RORA: variants seen among roughly 807,000 people sequenced by gnomAD.
The protein encoded by RORA is nuclear receptor ROR-alpha.
In RORA, 7 loss-of-function variants were observed where a neutral mutation model predicts 69.5. That is an observed-to-expected ratio of 0.10 (90% CI 0.06 to 0.19). RORA has a LOEUF of 0.19. RORA is among the 10% of genes least tolerant of loss of function. The pLI is 1.00. For synonymous variants in RORA, 261 were observed against 240.8 expected (o/e 1.08, Z -0.78); for missense variants, 457 against 663.0 (o/e 0.69, Z 3.41).
intron 3 of RORA, among the ~76,000 whole-genome samples, chr15:60,516,844 GT>G (rs1376207790): frequency 1.3e-5 from 2 of 152,078 alleles, no homozygotes; most frequent in Non-Finnish European, 2.9e-5. Context: ...AATTAAAAGA[GT>G]CATATTGTAT....
intron 2 of RORA, chr15:60,556,943 C>G (rs200670685): frequency 6.8e-5 from 109 of 1,600,020 alleles, no homozygotes; most frequent in Non-Finnish European, 9.0e-5. Flanking sequence ...TTTGTCCACC[C>G]CAATCCAATG....
intron 1 of RORA, among the ~76,000 whole-genome samples, chr15:60,760,992 C>T (rs911566695): frequency 1.8e-4 from 28 of 152,076 alleles, no homozygotes; most frequent in African/African-American, 6.8e-4. Flanking sequence ...CTAATTAGTG[C>T]CACCCTAAGT....
intron 1 of RORA, among the ~76,000 whole-genome samples, chr15:61,069,517 G>A (rs1000962516): frequency 7.9e-5 from 12 of 152,172 alleles, no homozygotes; most frequent in African/African-American, 2.9e-4. Context: ...GGGGCGAGTG[G>A]AAACAGCTGG....
intron 1 of RORA, among the ~76,000 whole-genome samples, chr15:60,762,818 G>A (rs146366434): frequency 2.2e-3 from 328 of 152,204 alleles, no homozygotes; most frequent in African/African-American, 7.2e-3. Flanking sequence ...GTTAGACATG[G>A]TCTAATGGGT....
At chr15:60,671,620 T>G (rs2070473758) in intron 2 of RORA, among the ~76,000 whole-genome samples, 2 of 151,628 alleles carry the variant, frequency 1.3e-5, no homozygotes, top group Non-Finnish European at 2.9e-5. Flanking sequence ...TCTCTCTTTT[T>G]TTTCTTTTTG....
intron 1 of RORA, among the ~76,000 whole-genome samples, chr15:60,818,452 C>T (rs1035793884): frequency 6.6e-6 from 1 of 152,096 alleles, no homozygotes; most frequent in Non-Finnish European, 1.5e-5. Flanking sequence ...CAAAGAAGCT[C>T]AGAGAGGTGG....
chr15:60,493,949 TCACACACACACACACACACACACACA>T lies in RORA; in HGVS notation c.*3480_*3505del, dbSNP rs71122860. The T allele has an allele frequency of 6.9e-6, 1 of 143,966 alleles. No homozygotes were observed. The highest frequency in any genetic ancestry group is 2.6e-5 in the African/African-American group (1 of 37,994). The allele number at this position is 143,966 out of a possible 1,614,324, so 8.9% of individuals were successfully genotyped here. Reference sequence around the variant, plus strand: ...CGCACACACATCATACACATGCAAATCACACACACACACACACACACACACACACACACACACACTCCTTCCTCACC... The same window carrying T: ...CGCACACACATCATACACATGCAAATCACACACACACACTCCTTCCTCACC... On this transcript the variant is annotated 3_prime_UTR_variant, in exon 11 of 11. Coordinates refer to ENST00000335670, the MANE Select transcript of RORA (RefSeq NM_134261.3).
intron 1 of RORA, among the ~76,000 whole-genome samples, chr15:60,720,639 G>A (rs1251825924): frequency 6.6e-6 from 1 of 152,170 alleles, no homozygotes; most frequent in African/African-American, 2.4e-5. Context: ...CACTTGACAA[G>A]AAACAAAGTT....
chr15:61,057,216 A>G (rs1369427163), intron 1 of RORA, among the ~76,000 whole-genome samples: 2 of 152,220 alleles, frequency 1.3e-5, no homozygotes, highest in African/African-American at 4.8e-5. Context: ...ATCTACATAA[A>G]ATGAAGGTAT....
chr15:60,982,769 GCTTCCCAGAGTA>G (rs1285422954), intron 1 of RORA, among the ~76,000 whole-genome samples: 1 of 152,094 alleles, frequency 6.6e-6, no homozygotes, highest in Non-Finnish European at 1.5e-5. Flanking sequence ...TTAAATAAAT[GCTTCCCAGAGTA>G]CTTCAAGTAT....
intron 1 of RORA, among the ~76,000 whole-genome samples, chr15:61,059,957 A>AGG (rs1491148110): frequency 4.4e-5 from 6 of 137,330 alleles, no homozygotes; most frequent in South Asian, 2.5e-4. Flanking sequence ...GAAGAAGAAG[A>AGG]AGAAGAGGAA....
intron 1 of RORA, among the ~76,000 whole-genome samples, chr15:61,111,326 C>G (rs865811508): frequency 2.6e-5 from 4 of 152,158 alleles, no homozygotes; most frequent in South Asian, 2.1e-4. Flanking sequence ...GGCATGCTTA[C>G]TGGTGCACTG....
chr15:60,657,075 G>C (rs138240364), intron 2 of RORA, among the ~76,000 whole-genome samples: 3 of 152,260 alleles, frequency 2.0e-5, no homozygotes, highest in African/African-American at 7.2e-5. Context: ...ATGTGGGTTG[G>C]CACACAGCAC....
Position 61,089,733 on chromosome 15 carries a change from G to T in RORA, c.166+139320C>A, listed in dbSNP as rs16943593. Among the ~76,000 whole-genome samples, 377 of 152,268 alleles carry T rather than the reference G, an allele frequency of 2.5e-3. 2 individuals are homozygous for T. The highest frequency in any genetic ancestry group is 8.8e-3 in the African/African-American group (365 of 41,556). On this transcript the variant is annotated intron_variant, in intron 1 of 10. Transcript: ENST00000335670. The stretch of plus-strand genomic sequence containing the variant: ...TGGTGGAGAACAGACCTATCCAGCT[G>T]CAGCAAAAACCATCACCGTAGGCTC...
intron 1 of RORA, among the ~76,000 whole-genome samples, chr15:60,864,863 T>G (rs1001200615): frequency 3.9e-5 from 6 of 152,190 alleles, no homozygotes; most frequent in African/African-American, 1.4e-4. Flanking sequence ...CTAGTGAAGC[T>G]TTAGGTTCCA....
chr15:61,034,698 T>C (rs534414484), intron 1 of RORA, among the ~76,000 whole-genome samples: 9 of 150,578 alleles, frequency 6.0e-5, no homozygotes, highest in Non-Finnish European at 1.2e-4. Context: ...ATTGTGCATG[T>C]TGGTCAAGTT....
At chr15:60,616,834 G>A (rs1207620761) in intron 2 of RORA, among the ~76,000 whole-genome samples, 1 of 152,192 alleles carries the variant, frequency 6.6e-6, no homozygotes, top group African/African-American at 2.4e-5. Flanking sequence ...AAGGCTGTAG[G>A]AAACCCCCTG....
chr15:60,653,324 TGTGTGC>T (rs1299278043), intron 2 of RORA, among the ~76,000 whole-genome samples: 3 of 151,788 alleles, frequency 2.0e-5, no homozygotes, highest in Non-Finnish European at 4.4e-5. Flanking sequence ...TGTGTGTGTG[TGTGTGC>T]GTATTTGAAC....
chr15:61,159,445 T>A (rs1453764012), intron 1 of RORA, among the ~76,000 whole-genome samples: 1 of 152,184 alleles, frequency 6.6e-6, no homozygotes, highest in Admixed American at 6.5e-5. Context: ...GAAACCCTTG[T>A]CAAAAACTGA....
Sources: gnomAD v4.1 joint callset for allele counts (sites outside exome capture counted in the v4.1 genomes callset) on GRCh38, gnomAD v4.1.1 for gene constraint, MANE v1.5 for transcripts, NCBI Gene and HGNC (gene_info 2026-07-23, HGNC 2026-07-21) for gene names.